Variants in LRP4 observed in about 807,000 individuals in gnomAD.
LRP4 encodes the protein low-density lipoprotein receptor-related protein 4.
LRP4 carries 95 observed loss-of-function variants against 220.3 expected under a neutral mutation model. The ratio of observed to expected loss-of-function variants is 0.43; its 90% CI spans 0.37 to 0.51. The LOEUF (loss-of-function observed/expected upper bound fraction) is 0.51, where lower values mean the gene tolerates loss of function less well. Ranked by LOEUF, LRP4 falls within the 20% of genes least tolerant of loss-of-function variation. LRP4 has a pLI of 0.00. For synonymous variants in LRP4, 903 were observed against 954.6 expected (o/e 0.95, Z 1.00); for missense variants, 1,925 against 2,567.0 (o/e 0.75, Z 5.40).
At chr11:46,897,869 G>C (rs1401717950) in intron 7 of LRP4, among the ~76,000 whole-genome samples, 1 of 152,176 alleles carries the variant, frequency 6.6e-6, no homozygotes, top group African/African-American at 2.4e-5. Flanking sequence ...ATCATGGCCC[G>C]TTCTCAATGA....
chr11:46,899,906 G>A lies in LRP4; in HGVS notation c.387C>T (p.Cys129=), dbSNP rs80333596. 252 of 1,613,930 alleles carry A rather than the reference G, an allele frequency of 1.6e-4. No individual in the cohort carries two copies. In the African/African-American group the frequency reaches 2.5e-3, roughly 16 times the overall value. Reference sequence around the variant, plus strand: ...TGTCGCCACAGTCATTGTCACCATCGCAGTGCCACAGACTCCGGATGCAGT... The same window carrying A: ...TGTCGCCACAGTCATTGTCACCATCACAGTGCCACAGACTCCGGATGCAGT... ...NGYCIRSLWH[C]DGDNDCGDNS... The change falls in exon 4 of 38, where the codon TGC becomes TGT. Residue 129 remains cysteine, a synonymous_variant. Coordinates refer to ENST00000378623, the MANE Select transcript of LRP4 (RefSeq NM_002334.4). This position sits in a 1 kb window ranked among gnomAD's most constrained non-coding sequence, Gnocchi z 5.9.
chr11:46,908,728 G>A lies in LRP4; in HGVS notation c.53-5799C>T, dbSNP rs1024027078. ...TAAAGAAAGATTCATTTCCCTCGCC[G>A]GAAGGTAAAGTAATGAAGTGGGGAA... On this transcript the variant is annotated intron_variant, in intron 1 of 37. Coordinates refer to ENST00000378623, the MANE Select transcript of LRP4 (RefSeq NM_002334.4). 6.6e-5 allele frequency among the ~76,000 whole-genome samples: 10 copies of A among 152,192 alleles called. No individual in the cohort carries two copies. The East Asian group carries it at 7.7e-4, about 12-fold the overall frequency.
rs761158182 is a variant in LRP4 at position 46,877,188 on chromosome 11, G to A, written c.3277+11C>T. ...ACAGAAGGCCAGGTGGGAAGAGAGG[G>A]CCATACAGACCTTCCTGGGGGTCTA... On this transcript the variant is annotated intron_variant, in intron 23 of 37. Coordinates refer to ENST00000378623, the MANE Select transcript of LRP4 (RefSeq NM_002334.4). The A allele has an allele frequency of 2.9e-5, 46 of 1,613,594 alleles. No homozygotes were observed. The highest frequency in any genetic ancestry group is 3.6e-5 in the Non-Finnish European group (43 of 1,179,648).
At chr11:46,894,846 C>A (rs956120716) in intron 11 of LRP4, 27 bp from the exon 12 acceptor site, 6 of 1,599,082 alleles carry the variant, frequency 3.8e-6, no homozygotes, top group South Asian at 3.3e-5. Context: ...ACATGGGATA[C>A]CCACTGGGTT....
chr11:46,899,912 C>A lies in LRP4; in HGVS notation c.381G>T (p.Trp127Cys). ...CQNGYCIRSLWHCDGDNDCGD... is the reference protein window; with the variant it reads ...CQNGYCIRSLCHCDGDNDCGD... ...CACAGTCATTGTCACCATCGCAGTGCCACAGACTCCGGATGCAGTAGCCAT... is the reference window on the plus strand; with the variant it reads ...CACAGTCATTGTCACCATCGCAGTGACACAGACTCCGGATGCAGTAGCCAT... Residue 127 changes from tryptophan (W) to cysteine (C), a missense_variant, in exon 4 of 38, where the codon TGG (tryptophan) becomes TGT (cysteine). Trp to Cys is a radical substitution (Grantham distance 215). Around this residue, in one of 3 missense-constraint regions of LRP4, gnomAD observed 412 missense variants for 505.4 expected, o/e 0.82. Transcript: ENST00000378623. The surrounding 1 kb of genome is among the most constrained non-coding windows in gnomAD (Gnocchi z 5.9). 6.2e-7 allele frequency: 1 copy of A among 1,613,986 alleles called. No individual in the cohort carries two copies. Among genetic ancestry groups the A allele is most frequent in the Non-Finnish European group, 8.5e-7 (1 of 1,180,040 alleles).
rs1160601974 is a variant in LRP4 at position 46,862,860 on chromosome 11, A to T, written c.5244-113T>A. The T allele has an allele frequency of 3.6e-6, 3 of 844,168 alleles. No homozygotes were observed. The East Asian group carries it at 7.9e-5, about 22-fold the overall frequency. 52.3% of individuals were successfully genotyped at this position (844,168 alleles called of 1,614,324 possible). On this transcript the variant is annotated intron_variant, in intron 36 of 37. Coordinates refer to ENST00000378623, the MANE Select transcript of LRP4 (RefSeq NM_002334.4). ...CTCTAAGATGATCCCAGTGACTCCC[A>T]CTTCCTGGTACTCATGCCCTTAAGA... is the stretch of plus-strand genomic sequence containing the variant.
At chr11:46,888,810 G>A (rs763359981) in intron 16 of LRP4, among the ~76,000 whole-genome samples, 2 of 152,050 alleles carry the variant, frequency 1.3e-5, no homozygotes, top group South Asian at 2.1e-4. Flanking sequence ...TGCCCGGACC[G>A]CTCCTCTCTG....
Position 46,899,051 on chromosome 11 carries a change from T to A in LRP4, c.548-19A>T, listed in dbSNP as rs1329554983. The A allele has an allele frequency of 5.0e-6, 8 of 1,606,294 alleles. No individual in the cohort carries two copies. The highest frequency in any genetic ancestry group is 6.8e-6 in the Non-Finnish European group (8 of 1,175,394). ...GCTGAGGCTGGAGGGAAGGCAGGGG[T>A]GGGGAGGGGCACACACTCAGGCCTG... On this transcript the variant is annotated intron_variant, in intron 5 of 37. Transcript: ENST00000378623. This position sits in a 1 kb window ranked among gnomAD's most constrained non-coding sequence, Gnocchi z 5.9.
At chr11:46,898,807 T>C in intron 6 of LRP4, 97 bp downstream of exon 6, 1 of 1,605,554 alleles carries the variant, frequency 6.2e-7, no homozygotes, top group Admixed American at 1.7e-5. Context: ...CAGAAACTCC[T>C]CTCTGAACTC....
chr11:46,912,639 A>C (rs1592555818), intron 1 of LRP4, among the ~76,000 whole-genome samples: 1 of 151,654 alleles, frequency 6.6e-6, no homozygotes, highest in Non-Finnish European at 1.5e-5. Context: ...GCAGGCCACT[A>C]CCCCTCCCCA....
chr11:46,895,698 C>T (rs1430646031), intron 10 of LRP4, among the ~76,000 whole-genome samples, 186 bp downstream of exon 10: 1 of 152,230 alleles, frequency 6.6e-6, no homozygotes, highest in Admixed American at 6.5e-5. Context: ...TGGTAAGCTA[C>T]TTATCCTCTC....
At position 46,877,254 on chromosome 11, in the gene LRP4, T is replaced by G. The variant is rs371963632; in HGVS notation, c.3222A>C (p.Val1074=). 1.1e-5 allele frequency: 17 copies of G among 1,613,926 alleles called. No homozygotes were observed. The East Asian group carries it at 3.6e-4, about 34-fold the overall frequency. Residue 1074 remains valine (V), a synonymous_variant, in exon 23 of 38, where the codon GTA becomes GTC. Transcript: ENST00000378623. The part of the protein sequence containing the change: ...LDIPYFADVV[V]PINITMKNTI... ...TGTTCTTCATGGTAATGTTGATTGG[T>G]ACCACCACATCAGCAAAATAAGGGA...
At chr11:46,914,460 G>A (rs1158112983) in intron 1 of LRP4, among the ~76,000 whole-genome samples, 2 of 152,248 alleles carry the variant, frequency 1.3e-5, no homozygotes, top group African/African-American at 4.8e-5. Context: ...CTAAGCTGGA[G>A]TGAGAGTGAC....
At chr11:46,909,842 C>G (rs1030599064) in intron 1 of LRP4, among the ~76,000 whole-genome samples, 1 of 152,038 alleles carries the variant, frequency 6.6e-6, no homozygotes, top group African/African-American at 2.4e-5. Context: ...TCCTACCTAA[C>G]CAGTGCTGGA....
In LRP4 at chr11:46,898,572, T is replaced by G. The variant is rs770353955; in HGVS notation, c.782A>C (p.Asp261Ala). 2 of 1,614,144 alleles carry G rather than the reference T, an allele frequency of 1.2e-6. No homozygotes were observed. The highest frequency in any genetic ancestry group is 2.2e-5 in the South Asian group (2 of 91,084). ...TCCCCACTCACTGCAGTTGCGCTCA[T>G]CAGACTGGTCATCACAGTCCGCGTC... is the stretch of plus-strand genomic sequence containing the variant. ...DGDADCDDQS[D>A]ERNCTTSMCT... The change falls in exon 7 of 38, where the codon GAT becomes GCT. Residue 261 changes from aspartate (D) to alanine (A), a missense_variant. By Grantham distance (126) the Asp-to-Ala change is moderately radical (BLOSUM62 -2). Transcript: ENST00000378623.
intron 37 of LRP4, 104 bp downstream of exon 37, chr11:46,862,502 A>G (rs917237452): frequency 4.3e-6 from 5 of 1,152,460 alleles, no homozygotes. Context: ...AAAATGGTAG[A>G]TGGGATTACT....
Position 46,881,725 on chromosome 11 carries a change from C to T in LRP4, c.2791G>A (p.Gly931Arg). The change falls in exon 20 of 38, where the codon GGA (glycine) becomes AGA (arginine). Residue 931 changes from glycine (G) to arginine (R), a missense_variant. Physicochemically the swap from Gly to Arg is moderately radical, Grantham distance 125 (BLOSUM62 -2). Coordinates refer to ENST00000378623, the MANE Select transcript of LRP4 (RefSeq NM_002334.4). ...ACCTTCCTCTTACTGCCATCCAGTC[C>T]AGCAAATTCAATTGTCTTCATGCCG... ...DAGMKTIEFA[G>R]LDGSKRKVLI... 5 of 1,614,204 alleles carry T rather than the reference C, an allele frequency of 3.1e-6. 2 individuals carry two copies. The South Asian group carries it at 5.5e-5, about 18-fold the overall frequency.
At chr11:46,896,701 G>C (rs566934897) in intron 8 of LRP4, among the ~76,000 whole-genome samples, 168 bp downstream of exon 8, 1 of 152,274 alleles carries the variant, frequency 6.6e-6, no homozygotes, top group Admixed American at 6.5e-5. Context: ...ATTGAAACTC[G>C]CAGCTCTGAT....
Position 46,860,160 on chromosome 11 carries a change from C to T in LRP4, c.5386-845G>A, listed in dbSNP as rs1045252089. On this transcript the variant is annotated intron_variant, in intron 37 of 37. Transcript: ENST00000378623. ...TGAGGCAGGAGAATCCCTTGAACTCCGGAGGCTGAGGTTACAGTGAGCCAA... is the reference window on the plus strand; with the variant it reads ...TGAGGCAGGAGAATCCCTTGAACTCTGGAGGCTGAGGTTACAGTGAGCCAA... 4.0e-5 allele frequency among the ~76,000 whole-genome samples: 6 copies of T among 150,542 alleles called. No homozygotes were observed. In the East Asian group the frequency reaches 7.8e-4, roughly 20 times the overall value.
Sources: allele counts gnomAD v4.1 joint callset (sites outside exome capture counted in the v4.1 genomes callset), GRCh38; gene constraint gnomAD v4.1.1; regional missense constraint gnomAD v4.1.1; non-coding constraint Gnocchi (gnomAD v3.1); transcripts MANE v1.5; gene names NCBI Gene and HGNC (gene_info 2026-07-23, HGNC 2026-07-21).